The following RTN4 variants were observed in gnomAD, a reference collection of about 807,000 sequenced individuals.
RTN4 encodes the protein reticulon-4.
A neutral mutation model predicts 90.4 loss-of-function variants in RTN4; 32 were observed. That is an observed-to-expected ratio of 0.35 (90% confidence interval 0.27 to 0.48). The LOEUF is 0.48. Ranked by LOEUF, RTN4 falls within the 20% of genes least tolerant of loss-of-function variation. The pLI, the probability that RTN4 is intolerant of heterozygous loss-of-function variation, is 0.99. For missense variants in RTN4, 1,706 were observed against 1,430.2 expected (o/e 1.19, Z -3.11); for synonymous variants, 629 against 552.5 (o/e 1.14, Z -1.94).
chr2:55,006,337 G>C (rs1048839843), intron 3 of RTN4, among the ~76,000 whole-genome samples: 3 of 152,194 alleles, frequency 2.0e-5, no homozygotes, highest in African/African-American at 7.2e-5. Context: ...CCAATCAGTA[G>C]GCCCCATAAT....
chr2:55,088,250 C>A (rs1054046323), intron 1 of RTN4, among the ~76,000 whole-genome samples: 2 of 152,190 alleles, frequency 1.3e-5, no homozygotes, highest in African/African-American at 4.8e-5. Context: ...AGTGAGTATT[C>A]ATGGACGTAG....
intron 3 of RTN4, among the ~76,000 whole-genome samples, chr2:54,993,143 G>A (rs1401553501): frequency 6.7e-6 from 1 of 150,272 alleles, no homozygotes; most frequent in Non-Finnish European, 1.5e-5. Context: ...TATCTACTAA[G>A]CAGTGTTTTT....
intron 1 of RTN4, among the ~76,000 whole-genome samples, chr2:55,037,197 T>C (rs570041041): frequency 1.7e-3 from 264 of 152,342 alleles, no homozygotes; most frequent in African/African-American, 5.8e-3. Context: ...AAAACTGCTA[T>C]ACTGAAACAC....
intron 3 of RTN4, among the ~76,000 whole-genome samples, chr2:55,006,229 T>C (rs1441076398): frequency 1.3e-5 from 2 of 152,164 alleles, no homozygotes; most frequent in Admixed American, 6.6e-5. Context: ...CACATACCTA[T>C]GTAGTGCTGC....
intron 5 of RTN4, among the ~76,000 whole-genome samples, chr2:54,979,879 T>C (rs528667672): frequency 6.6e-6 from 1 of 152,356 alleles, no homozygotes; most frequent in East Asian, 1.9e-4. Context: ...CAGGTTTCCT[T>C]GAGCTCTGGG....
intron 1 of RTN4, among the ~76,000 whole-genome samples, chr2:55,088,707 T>A (rs573136847): frequency 6.6e-6 from 1 of 151,856 alleles, no homozygotes; most frequent in Non-Finnish European, 1.5e-5. Context: ...GGGGAGTTAG[T>A]GAAAGGCAGA....
chr2:55,110,334 C>A (rs974011428), intron 1 of RTN4, among the ~76,000 whole-genome samples: 1 of 147,458 alleles, frequency 6.8e-6, no homozygotes, highest in Non-Finnish European at 1.5e-5. Flanking sequence ...AAAAAAAATT[C>A]TGGAATCTCG....
intron 1 of RTN4, among the ~76,000 whole-genome samples, chr2:55,092,762 G>T (rs1341001149): frequency 1.3e-5 from 2 of 152,192 alleles, no homozygotes; most frequent in Non-Finnish European, 2.9e-5. Context: ...ATATGTAGAT[G>T]CCCTTTTCCA....
At chr2:55,129,972 T>A in the RTN4 span, among the ~76,000 whole-genome samples, 1 of 152,232 alleles carries the variant, frequency 6.6e-6, no homozygotes, top group Non-Finnish European at 1.5e-5. Context: ...AAAATGTGCA[T>A]GCTCTTTGAT....
chr2:55,131,397 T>C, the RTN4 span, among the ~76,000 whole-genome samples: 37,221 of 120,010 alleles, frequency 0.31, 5,272 homozygotes, highest in East Asian at 0.55. Flanking sequence ...TTAGTAGAGA[T>C]GGGGTTTTGC....
chr2:55,076,645 C>G (rs2105023872), intron 2 of RTN4, among the ~76,000 whole-genome samples: 1 of 152,206 alleles, frequency 6.6e-6, no homozygotes. Context: ...GATGATCTGC[C>G]TGCCTCCCAA....
the RTN4 span, among the ~76,000 whole-genome samples, chr2:55,124,315 T>C: frequency 6.6e-6 from 1 of 152,196 alleles, no homozygotes; most frequent in African/African-American, 2.4e-5. Context: ...TCCTGGTTTG[T>C]TACCTAGAAG....
rs1035662586 is a variant in RTN4 at position 55,049,823 on chromosome 2, T to C, written c.478A>G (p.Thr160Ala). Residue 160 changes from threonine to alanine, a missense_variant, in exon 1 of 9, where the codon ACC becomes GCC. Physicochemically the swap from Thr to Ala is moderately conservative, Grantham distance 58. Transcript: ENST00000337526. ...GCGGCGGGAGCCGGGGCTGGCGGGG[T>C]CCACACGGGCTCTGCCTGGGGGCTC... ...SVSPQAEPVW[T>A]PPAPAPAAPP... is the part of the protein sequence containing the mutation. The C allele has an allele frequency of 2.6e-6, 3 of 1,156,540 alleles. No individual in the cohort carries two copies. Among genetic ancestry groups the C allele is most frequent in the Non-Finnish European group, 3.2e-6 (3 of 933,768 alleles). 71.6% of individuals were successfully genotyped at this position (1,156,540 alleles called of 1,614,324 possible). A position where few individuals can be genotyped will look rare whatever the true frequency, so the allele number is the denominator to read the frequency against.
At chr2:55,035,811 T>C (rs1002274450) in intron 1 of RTN4, among the ~76,000 whole-genome samples, 1 of 152,094 alleles carries the variant, frequency 6.6e-6, no homozygotes, top group Non-Finnish European at 1.5e-5. Flanking sequence ...TTTATGACAA[T>C]AAATTAGACA....
At chr2:55,078,850 T>G (rs7575107) in intron 2 of RTN4, among the ~76,000 whole-genome samples, 16,119 of 151,980 alleles carry the variant, frequency 0.11, 1,136 homozygotes, top group East Asian at 0.21. Context: ...AGGGAGTATT[T>G]AAAAGAAAGG....
At chr2:55,126,330 T>C in the RTN4 span, among the ~76,000 whole-genome samples, 1 of 150,820 alleles carries the variant, frequency 6.6e-6, no homozygotes, top group Non-Finnish European at 1.5e-5. Flanking sequence ...GATGGCACCA[T>C]TGCATTCCAG....
At chr2:55,049,696 G>C in intron 1 of RTN4, 49 bp downstream of exon 1, 1 of 1,437,328 alleles carries the variant, frequency 7.0e-7, no homozygotes, top group Non-Finnish European at 9.2e-7. Flanking sequence ...GCACACAAAA[G>C]AGGGAGGGGC....
chr2:55,046,495 C>G (rs148204073), intron 1 of RTN4, among the ~76,000 whole-genome samples: 2 of 152,296 alleles, frequency 1.3e-5, no homozygotes, highest in African/African-American at 4.8e-5. Flanking sequence ...ATCTCACCTT[C>G]TAAGCCTGTC....
chr2:55,086,416 G>A (rs1030991857), intron 1 of RTN4, among the ~76,000 whole-genome samples: 1 of 151,764 alleles, frequency 6.6e-6, no homozygotes, highest in Non-Finnish European at 1.5e-5. Flanking sequence ...ATCCCAGAAC[G>A]TTGGGAGGCC....
Sources: gnomAD v4.1 joint callset for allele counts (sites outside exome capture counted in the v4.1 genomes callset) on GRCh38, gnomAD v4.1.1 for gene constraint, MANE v1.5 for transcripts, NCBI Gene and HGNC (gene_info 2026-07-23, HGNC 2026-07-21) for gene names.